The following NRXN1 variants were observed in gnomAD, a reference collection of about 807,000 sequenced individuals.
NRXN1 encodes the protein neurexin 1.
Under a neutral mutation model 150.9 loss-of-function variants are expected in NRXN1, and 39 were observed. The observed-to-expected ratio is 0.26, with a 90% CI of 0.20 to 0.34. NRXN1 has a LOEUF of 0.34. NRXN1 is among the 10% of genes least tolerant of loss of function. The pLI is 1.00. For synonymous variants in NRXN1, 924 were observed against 757.0 expected, an observed-to-expected ratio of 1.22 and a Z score of -3.62; for missense variants, 1,815 against 1,949.9, an observed-to-expected ratio of 0.93 and a Z score of 1.30.
chr2:50,290,068 G>A (rs2072721319), intron 17 of NRXN1, among the ~76,000 whole-genome samples: 8 of 152,090 alleles, frequency 5.3e-5, no homozygotes, highest in Admixed American at 5.2e-4. Flanking sequence ...TTTCAGATTT[G>A]TTCAGAATAA....
intron 5 of NRXN1, among the ~76,000 whole-genome samples, chr2:50,881,954 G>C (rs891107873): frequency 9.2e-5 from 14 of 151,638 alleles, no homozygotes; most frequent in Non-Finnish European, 1.6e-4. Context: ...AATAGCAATT[G>C]AAGGGGGAGG....
At chr2:50,587,218 C>T (rs966691911) in intron 8 of NRXN1, among the ~76,000 whole-genome samples, 1 of 152,294 alleles carries the variant, frequency 6.6e-6, no homozygotes, top group Non-Finnish European at 1.5e-5. Flanking sequence ...GGCATGGTGG[C>T]TCACACCTGT....
At chr2:50,171,121 G>A (rs1392636761) in intron 18 of NRXN1, among the ~76,000 whole-genome samples, 1 of 152,072 alleles carries the variant, frequency 6.6e-6, no homozygotes, top group Non-Finnish European at 1.5e-5. Context: ...TCAGTAGGCT[G>A]AGGAAGAGAA....
intron 5 of NRXN1, among the ~76,000 whole-genome samples, chr2:50,915,286 A>G (rs919231361): frequency 6.6e-6 from 1 of 151,662 alleles, no homozygotes; most frequent in African/African-American, 2.4e-5. Flanking sequence ...TCTCAACTAT[A>G]TATCATTCTG....
Position 49,981,235 on chromosome 2 carries a change from A to C in NRXN1, c.4129-37444T>G, listed in dbSNP as rs567156244. Reference sequence around the variant, plus strand: ...CAAGACCCAAAGGATAAGGTTAATAAGGAACTGAATCTTTCAGGACAATGC... The same window carrying C: ...CAAGACCCAAAGGATAAGGTTAATACGGAACTGAATCTTTCAGGACAATGC... On this transcript the variant is annotated intron_variant, in intron 21 of 22. Transcript: ENST00000401669. 3.0e-4 allele frequency among the ~76,000 whole-genome samples: 46 copies of C among 152,236 alleles called. No homozygotes were observed. The South Asian group carries it at 6.2e-3, about 21-fold the overall frequency.
intron 8 of NRXN1, among the ~76,000 whole-genome samples, chr2:50,590,380 T>C (rs1172670928): frequency 1.3e-5 from 2 of 152,166 alleles, no homozygotes; most frequent in Non-Finnish European, 2.9e-5. Flanking sequence ...TGAACTATTT[T>C]GTTTAATGCC....
chr2:50,549,730 A>T (rs1360254804), intron 9 of NRXN1, among the ~76,000 whole-genome samples: 1 of 152,214 alleles, frequency 6.6e-6, no homozygotes, highest in Non-Finnish European at 1.5e-5. Flanking sequence ...AAAGAGCTTA[A>T]ACAGAAAAAG....
At chr2:50,158,342 C>A (rs1483358052) in intron 18 of NRXN1, among the ~76,000 whole-genome samples, 1 of 151,292 alleles carries the variant, frequency 6.6e-6, no homozygotes, top group Admixed American at 6.6e-5. Context: ...ACTAAGGTAA[C>A]ATACCTTAGT....
chr2:50,752,547 A>T (rs1221771527), intron 5 of NRXN1, among the ~76,000 whole-genome samples: 2 of 151,938 alleles, frequency 1.3e-5, no homozygotes, highest in Admixed American at 6.6e-5. Flanking sequence ...TGTATGGCTA[A>T]TCAGAATTCC....
At chr2:50,200,293 A>G (rs559783944) in intron 18 of NRXN1, among the ~76,000 whole-genome samples, 1 of 152,272 alleles carries the variant, frequency 6.6e-6, no homozygotes, top group African/African-American at 2.4e-5. Flanking sequence ...ACTACCTGCA[A>G]ACTTAGTATC....
intron 17 of NRXN1, among the ~76,000 whole-genome samples, chr2:50,423,995 G>A (rs1265676781): frequency 2.0e-5 from 3 of 152,020 alleles, no homozygotes; most frequent in African/African-American, 4.8e-5. Flanking sequence ...ACAGCATACA[G>A]ATAGGCTGGA....
chr2:50,886,896 T>C (rs1680331689), intron 5 of NRXN1, among the ~76,000 whole-genome samples: 1 of 151,488 alleles, frequency 6.6e-6, no homozygotes, highest in South Asian at 2.1e-4. Context: ...CATTAATTCA[T>C]AAACGTGTTT....
At chr2:50,622,668 A>C (rs896302195) in intron 6 of NRXN1, among the ~76,000 whole-genome samples, 1 of 152,196 alleles carries the variant, frequency 6.6e-6, no homozygotes, top group African/African-American at 2.4e-5. Context: ...ATCTTGAAAA[A>C]GTTTTTTTAA....
chr2:50,215,591 T>C (rs1235295619), intron 18 of NRXN1, among the ~76,000 whole-genome samples: 3 of 152,034 alleles, frequency 2.0e-5, no homozygotes, highest in Non-Finnish European at 2.9e-5. Flanking sequence ...TCCACAGGCC[T>C]TAATTTTCTT....
At chr2:50,203,303 T>C (rs911012930) in intron 18 of NRXN1, among the ~76,000 whole-genome samples, 4 of 152,178 alleles carry the variant, frequency 2.6e-5, no homozygotes, top group African/African-American at 9.6e-5. Flanking sequence ...CAACCTAGTG[T>C]AGGAAACAAA....
At chr2:50,146,732 A>G (rs1708065215) in intron 18 of NRXN1, among the ~76,000 whole-genome samples, 2 of 151,632 alleles carry the variant, frequency 1.3e-5, no homozygotes, top group Non-Finnish European at 3.0e-5. Flanking sequence ...CAATATACAC[A>G]GGCCAAGTTT....
rs142041427 is a variant in NRXN1 at position 50,346,728 on chromosome 2, T to C, written c.3365-109758A>G. The C allele has an allele frequency of 5.1e-5, 82 of 1,613,758 alleles. No homozygotes were observed. The highest frequency in any genetic ancestry group is 6.0e-5 in the Non-Finnish European group (71 of 1,179,942). On this transcript the variant is annotated intron_variant, in intron 17 of 22. Transcript: ENST00000401669. The surrounding 1 kb of genome is among the most constrained non-coding windows in gnomAD (Gnocchi z 5.0). ...GCAAGGATGCCGGTGACCTGTAGAT[T>C]GCAATAGGCACTGAATGATGCTTGC...
At chr2:50,103,982 C>A (rs945121335) in intron 18 of NRXN1, among the ~76,000 whole-genome samples, 1 of 151,934 alleles carries the variant, frequency 6.6e-6, no homozygotes, top group East Asian at 1.9e-4. Context: ...TTCCTTCTGC[C>A]TGGTTAGCTG....
intron 17 of NRXN1, among the ~76,000 whole-genome samples, chr2:50,434,803 A>AT (rs143403206): frequency 0.065 from 9,657 of 149,654 alleles, 1,068 homozygotes; most frequent in African/African-American, 0.22. Context: ...TCATAAGACT[A>AT]TTTTTTTTTT....
Sources: gnomAD v4.1 joint callset for allele counts (sites outside exome capture counted in the v4.1 genomes callset) on GRCh38, gnomAD v4.1.1 for gene constraint, Gnocchi (gnomAD v3.1) non-coding constraint, MANE v1.5 for transcripts, NCBI Gene and HGNC (gene_info 2026-07-23, HGNC 2026-07-21) for gene names.